CNKSR2: variants seen among roughly 807,000 people sequenced by gnomAD.
CNKSR2 encodes the protein CNK homolog protein 2.
A neutral mutation model predicts 84.4 loss-of-function variants in CNKSR2; 14 were observed. The observed-to-expected ratio is 0.17, with a 90% CI of 0.11 to 0.26. The LOEUF (loss-of-function observed/expected upper bound fraction) is 0.26, where lower values mean the gene tolerates loss of function less well. Among genes scored for constraint, CNKSR2 ranks in the 10% least tolerant of loss-of-function variants. The pLI is 1.00. For synonymous variants in CNKSR2, 275 were observed against 277.9 expected, an observed-to-expected ratio of 0.99 and a Z score of 0.10; for missense variants, 485 against 771.2, an observed-to-expected ratio of 0.63 and a Z score of 4.40.
chrX:21,547,843 A>G (rs936870629), intron 11 of CNKSR2, among the ~76,000 whole-genome samples: 1 of 112,377 alleles, frequency 8.9e-6, no homozygotes, highest in Non-Finnish European at 1.9e-5. Context: ...GTAAATAATG[A>G]AATTAAGGCA....
chrX:21,569,387 C>A (rs1030999071), intron 13 of CNKSR2, among the ~76,000 whole-genome samples: 7 of 111,500 alleles, frequency 6.3e-5, no homozygotes, highest in African/African-American at 2.3e-4. Context: ...TATTTATTAG[C>A]AGCATGAGAT....
intron 4 of CNKSR2, among the ~76,000 whole-genome samples, chrX:21,447,216 T>C (rs1432072510): frequency 9.0e-6 from 1 of 111,645 alleles, no homozygotes; most frequent in Non-Finnish European, 1.9e-5. Context: ...CTGTGCATTA[T>C]GTGCATACCC....
At chrX:21,376,501 C>CT (rs1352073456) in intron 1 of CNKSR2, among the ~76,000 whole-genome samples, 7 of 111,693 alleles carry the variant, frequency 6.3e-5, no homozygotes, top group Non-Finnish European at 1.3e-4. Context: ...ATAAAGATGA[C>CT]TAAGACAAAG....
At chrX:21,643,961 C>T (rs1427122269) in intron 20 of CNKSR2, 1 of 111,261 alleles carries the variant, frequency 9.0e-6, no homozygotes, top group Non-Finnish European at 1.9e-5. Context: ...ATCATAAAAC[C>T]TCCAAAGACA....
chrX:21,408,869 G>C (rs1166458498), intron 1 of CNKSR2, among the ~76,000 whole-genome samples: 1 of 110,312 alleles, frequency 9.1e-6, no homozygotes, highest in Non-Finnish European at 1.9e-5. Context: ...AATCACAGGA[G>C]AATCGTAAGA....
chrX:21,483,352 TG>T (rs1446116422), intron 5 of CNKSR2, among the ~76,000 whole-genome samples: 2 of 109,404 alleles, frequency 1.8e-5, no homozygotes, highest in African/African-American at 6.7e-5. Flanking sequence ...CACTCATAGA[TG>T]GGAATTGAAC....
rs747662634 is a variant in CNKSR2 at position 21,561,625 on chromosome X, G to A, written c.1393+65G>A. On this transcript the variant is annotated intron_variant, in intron 12 of 21. Transcript: ENST00000379510. ...AACAATAAGCAAATTTAAATGTTCTGTAAATAGATTGTTATGGCTTCAGTG... is the reference window on the plus strand; with the variant it reads ...AACAATAAGCAAATTTAAATGTTCTATAAATAGATTGTTATGGCTTCAGTG... 6.2e-6 allele frequency: 5 copies of A among 804,961 alleles called. No individual in the cohort carries two copies. In the African/African-American group the frequency reaches 1.0e-4, roughly 17 times the overall value. 66.3% of individuals were successfully genotyped at this position (804,961 alleles called of 1,213,427 possible). A position where few individuals can be genotyped will look rare whatever the true frequency, so the allele number is the denominator to read the frequency against.
At position 21,554,449 on chromosome X, in the gene CNKSR2, C is replaced by T. The variant is rs764677102; in HGVS notation, c.1304-7022C>T. On this transcript the variant is annotated intron_variant, in intron 11 of 21. Coordinates refer to ENST00000379510, the MANE Select transcript of CNKSR2 (RefSeq NM_014927.5). ...ATCCTCAGGTGTTTAGACTAGTACC[C>T]GTTAGTTGTTTTTCTTGATCCTCTC... 2.2e-4 allele frequency among the ~76,000 whole-genome samples: 24 copies of T among 110,853 alleles called. No homozygotes were observed. In the South Asian group the frequency reaches 8.4e-3, roughly 39 times the overall value.
chrX:21,540,970 A>G lies in CNKSR2; in HGVS notation c.1303+8903A>G, dbSNP rs575141816. Among the ~76,000 whole-genome samples the G allele has an allele frequency of 8.3e-4, 92 of 110,412 alleles. 1 individual carries two copies. In the South Asian group the frequency reaches 0.033, roughly 39 times the overall value. Reference sequence around the variant, plus strand: ...AAGAAACACAGATGTAAAGAAAAATATTTGAAAATATCTGGTTGTTTTTTT... The same window carrying G: ...AAGAAACACAGATGTAAAGAAAAATGTTTGAAAATATCTGGTTGTTTTTTT... On this transcript the variant is annotated intron_variant, in intron 11 of 21. Transcript: ENST00000379510.
chrX:21,651,433 A>T (rs746747758), intron 21 of CNKSR2, among the ~76,000 whole-genome samples: 1 of 111,161 alleles, frequency 9.0e-6, no homozygotes, highest in South Asian at 3.9e-4. Context: ...AACTCACAAC[A>T]TCCTCAGTCC....
At chrX:21,396,879 A>G (rs2090129142) in intron 1 of CNKSR2, among the ~76,000 whole-genome samples, 2 of 111,882 alleles carry the variant, frequency 1.8e-5, no homozygotes, top group African/African-American at 6.5e-5. Flanking sequence ...TTTCATTGTG[A>G]GGACATCCTC....
intron 5 of CNKSR2, among the ~76,000 whole-genome samples, chrX:21,484,584 C>A (rs749300939): frequency 1.8e-5 from 2 of 111,182 alleles, no homozygotes; most frequent in East Asian, 5.7e-4. Context: ...CTTGTATATA[C>A]GTATATACCC....
chrX:21,597,982 T>C (rs529621328), intron 17 of CNKSR2, among the ~76,000 whole-genome samples: 2 of 107,314 alleles, frequency 1.9e-5, no homozygotes, highest in South Asian at 8.2e-4. Context: ...ATCCTTACAT[T>C]TAATTTTCTT....
intron 4 of CNKSR2, among the ~76,000 whole-genome samples, chrX:21,448,098 A>G (rs1269925121): frequency 2.7e-5 from 3 of 111,849 alleles, no homozygotes; most frequent in Non-Finnish European, 5.7e-5. Context: ...TCCATGGACC[A>G]TGATTCATCT....
intron 20 of CNKSR2, among the ~76,000 whole-genome samples, chrX:21,630,276 A>G (rs2092641805): frequency 8.9e-6 from 1 of 112,472 alleles, no homozygotes. Flanking sequence ...ACACATGGAT[A>G]AAAATACTAA....
At chrX:21,548,756 G>A (rs759559394) in intron 11 of CNKSR2, among the ~76,000 whole-genome samples, 13 of 112,038 alleles carry the variant, frequency 1.2e-4, no homozygotes, top group Non-Finnish European at 2.3e-4. Flanking sequence ...GGGATGCAAG[G>A]CTTGTTCAAC....
chrX:21,542,627 C>G (rs1415431085), intron 11 of CNKSR2, among the ~76,000 whole-genome samples: 1 of 111,655 alleles, frequency 9.0e-6, no homozygotes, highest in Non-Finnish European at 1.9e-5. Context: ...TCAGCTTTTC[C>G]ATCTTGCTGT....
intron 1 of CNKSR2, among the ~76,000 whole-genome samples, chrX:21,390,689 G>A (rs985735084): frequency 7.2e-5 from 8 of 111,411 alleles, no homozygotes; most frequent in Non-Finnish European, 1.3e-4. Flanking sequence ...ATTCTGCCCC[G>A]GCCTCTCCCA....
At chrX:21,554,835 G>A (rs1480969198) in intron 11 of CNKSR2, among the ~76,000 whole-genome samples, 1 of 110,929 alleles carries the variant, frequency 9.0e-6, no homozygotes, top group Non-Finnish European at 1.9e-5. Context: ...TTCTATTCCT[G>A]TGGGTATATA....
Sources: allele counts gnomAD v4.1 joint callset (sites outside exome capture counted in the v4.1 genomes callset), GRCh38; gene constraint gnomAD v4.1.1; transcripts MANE v1.5; gene names NCBI Gene and HGNC (gene_info 2026-07-23, HGNC 2026-07-21).